Variants in RNFT2 observed in about 807,000 individuals in gnomAD.
The protein encoded by RNFT2 is ring finger protein, transmembrane 2, also known as E3 ubiquitin-protein ligase RNFT2.
RNFT2 carries 36 observed loss-of-function variants against 53.0 expected under a neutral mutation model. That is an observed-to-expected ratio of 0.68 (90% confidence interval 0.52 to 0.90). The LOEUF is 0.90. Ranked by LOEUF, RNFT2 falls within the 40% of genes least tolerant of loss-of-function variation. The pLI is 0.00. For missense variants in RNFT2, 514 were observed against 585.6 expected, an observed-to-expected ratio of 0.88 and a Z score of 1.26; for synonymous variants, 260 against 253.2, an observed-to-expected ratio of 1.03 and a Z score of -0.26.
intron 4 of RNFT2, among the ~76,000 whole-genome samples, chr12:116,753,142 C>CTT (rs1325437058): frequency 4.2e-5 from 3 of 70,896 alleles, no homozygotes; most frequent in South Asian, 5.1e-4. Context: ...TTTCTTTTTT[C>CTT]TTTTTCTTTT....
intron 4 of RNFT2, among the ~76,000 whole-genome samples, chr12:116,752,842 C>A (rs904050941): frequency 6.6e-6 from 1 of 152,152 alleles, no homozygotes; most frequent in African/African-American, 2.4e-5. Context: ...CGCACCACTG[C>A]ACTCCAGCCT....
At chr12:116,801,332 A>G (rs1337554973) in intron 7 of RNFT2, 1 of 152,240 alleles carries the variant, frequency 6.6e-6, no homozygotes, top group Non-Finnish European at 1.5e-5. Context: ...ATGCTTTTAC[A>G]AAATGTACCT....
intron 8 of RNFT2, 62 bp downstream of exon 8, chr12:116,834,003 C>T (rs771946077): frequency 2.1e-6 from 3 of 1,455,818 alleles, no homozygotes; most frequent in Non-Finnish European, 2.7e-6. Context: ...AGTCAGGCCT[C>T]AGGGGGCTCC....
At chr12:116,744,798 T>C (rs926842274) in intron 3 of RNFT2, among the ~76,000 whole-genome samples, 2 of 151,892 alleles carry the variant, frequency 1.3e-5, no homozygotes, top group African/African-American at 4.8e-5. Flanking sequence ...CCTTGGTGAG[T>C]TGAGTCTTCC....
chr12:116,789,939 G>C (rs965395744), intron 7 of RNFT2, among the ~76,000 whole-genome samples: 1 of 144,674 alleles, frequency 6.9e-6, no homozygotes, highest in East Asian at 2.1e-4. Flanking sequence ...GAGAGTGGAT[G>C]GATGGATGGT....
At chr12:116,812,262 A>G (rs1262678142) in intron 7 of RNFT2, among the ~76,000 whole-genome samples, 1 of 152,164 alleles carries the variant, frequency 6.6e-6, no homozygotes, top group Non-Finnish European at 1.5e-5. Context: ...TGCCTGGCAC[A>G]TAGCAGCCCG....
chr12:116,824,204 T>G (rs1219774925), intron 7 of RNFT2, among the ~76,000 whole-genome samples: 1 of 152,160 alleles, frequency 6.6e-6, no homozygotes, highest in Non-Finnish European at 1.5e-5. Flanking sequence ...TTGTTATGTA[T>G]AGACTCCCAT....
chr12:116,803,619 A>G (rs1358371540), intron 7 of RNFT2, among the ~76,000 whole-genome samples: 1 of 152,220 alleles, frequency 6.6e-6, no homozygotes, highest in Non-Finnish European at 1.5e-5. Flanking sequence ...TTTTCAGCTC[A>G]TCAGAGTCCA....
In RNFT2 at chr12:116,853,008, T is replaced by C; in HGVS notation, c.*3560T>C. ...CATGTGGGGGACACACAGGGGCAGA[T>C]GGGATGGTTTAGTTTAGGATTTTAT... On this transcript the variant is annotated 3_prime_UTR_variant, in exon 11 of 11. Coordinates refer to ENST00000257575, the MANE Select transcript of RNFT2 (RefSeq NM_001382266.1). 1 of 481,802 alleles carries C rather than the reference T, an allele frequency of 2.1e-6. No individual in the cohort carries two copies. Among genetic ancestry groups the C allele is most frequent in the East Asian group, 3.2e-5 (1 of 31,622 alleles). 29.8% of individuals were successfully genotyped at this position (481,802 alleles called of 1,614,324 possible).
intron 7 of RNFT2, among the ~76,000 whole-genome samples, chr12:116,813,158 C>G (rs991303640): frequency 5.3e-5 from 8 of 151,738 alleles, no homozygotes; most frequent in African/African-American, 1.9e-4. Context: ...AGGGTTTTGC[C>G]ATGTTATCCA....
intron 10 of RNFT2, among the ~76,000 whole-genome samples, chr12:116,846,579 T>C (rs1051263543): frequency 9.2e-5 from 14 of 151,982 alleles, no homozygotes. Context: ...CATGAGCCAC[T>C]GTGCCCAGTT....
At chr12:116,770,122 A>G (rs1461554665) in intron 6 of RNFT2, among the ~76,000 whole-genome samples, 2 of 152,164 alleles carry the variant, frequency 1.3e-5, no homozygotes, top group Non-Finnish European at 2.9e-5. Context: ...AGGCCTTCAC[A>G]TTCATTCACC....
chr12:116,832,140 A>ATATATATATAT (rs1555209706), intron 7 of RNFT2, among the ~76,000 whole-genome samples: 2 of 68,154 alleles, frequency 2.9e-5, no homozygotes, highest in African/African-American at 1.1e-4. Flanking sequence ...CAAAAAAAAA[A>ATATATATATAT]AAAAAAAAAT....
At chr12:116,837,791 T>TGA (rs1158321242) in intron 10 of RNFT2, among the ~76,000 whole-genome samples, 14 of 152,148 alleles carry the variant, frequency 9.2e-5, no homozygotes, top group Non-Finnish European at 1.9e-4. Flanking sequence ...TTCTTAGCTT[T>TGA]GACAAATGTA....
intron 7 of RNFT2, among the ~76,000 whole-genome samples, chr12:116,828,496 A>T (rs896804884): frequency 5.3e-5 from 8 of 152,132 alleles, no homozygotes; most frequent in Non-Finnish European, 7.3e-5. Flanking sequence ...GAGTTCTACC[A>T]CACTGTATTA....
rs1051589789 is a variant in RNFT2 at position 116,849,706 on chromosome 12, C to T, written c.*258C>T. 30 of 1,223,646 alleles carry T rather than the reference C, an allele frequency of 2.5e-5. No homozygotes were observed. In the African/African-American group the frequency reaches 3.4e-4, roughly 14 times the overall value. 75.8% of individuals were successfully genotyped at this position (1,223,646 alleles called of 1,614,324 possible). A position where few individuals can be genotyped will look rare whatever the true frequency, so the allele number is the denominator to read the frequency against. ...CTCAGACTTGATGCCCTTCTAGATG[C>T]ATCTTCCTTCTCCACTCCAAGTCAA... On this transcript the variant is annotated 3_prime_UTR_variant, in exon 11 of 11. Coordinates refer to ENST00000257575, the MANE Select transcript of RNFT2 (RefSeq NM_001382266.1).
intron 6 of RNFT2, among the ~76,000 whole-genome samples, chr12:116,775,069 TG>T (rs1375971602): frequency 6.6e-6 from 1 of 151,978 alleles, no homozygotes; most frequent in Non-Finnish European, 1.5e-5. Context: ...TGAACCAGCC[TG>T]GCCAACATGA....
intron 1 of RNFT2, among the ~76,000 whole-genome samples, chr12:116,739,670 C>T (rs550702562): frequency 2.0e-4 from 30 of 152,068 alleles, no homozygotes; most frequent in Admixed American, 6.5e-4. Flanking sequence ...GGCAGGGACA[C>T]GCTGACACAT....
intron 7 of RNFT2, among the ~76,000 whole-genome samples, chr12:116,830,613 A>G (rs990242759): frequency 2.0e-5 from 3 of 152,110 alleles, no homozygotes; most frequent in African/African-American, 7.2e-5. Context: ...CTAGTATAGG[A>G]TTGAATCAGG....
Sources: gnomAD v4.1 joint callset for allele counts (sites outside exome capture counted in the v4.1 genomes callset) on GRCh38, gnomAD v4.1.1 for gene constraint, MANE v1.5 for transcripts, NCBI Gene and HGNC (gene_info 2026-07-23, HGNC 2026-07-21) for gene names.